MED27: variants seen among roughly 807,000 people sequenced by gnomAD.
The protein encoded by MED27 is mediator of RNA polymerase II transcription subunit 27.
Under a neutral mutation model 38.2 loss-of-function variants are expected in MED27, and 30 were observed. That is an observed-to-expected ratio of 0.79 (90% CI 0.59 to 1.07). MED27 has a LOEUF of 1.07. MED27 is among the 50% of genes least tolerant of loss of function. The pLI, the probability that MED27 is intolerant of heterozygous loss-of-function variation, is 0.00. For synonymous variants in MED27, 122 were observed against 153.5 expected, an observed-to-expected ratio of 0.79 and a Z score of 1.52; for missense variants, 289 against 397.5, an observed-to-expected ratio of 0.73 and a Z score of 2.32.
rs117920438 is a variant in MED27 at position 132,062,273 on chromosome 9, C to T, written c.348+15169G>A. On this transcript the variant is annotated intron_variant, in intron 2 of 7. Transcript: ENST00000292035. ...GCCCTGTCCAGGTAATCAGTACCTA[C>T]AGTCCAGCATGAATCAGGCCATGAT... 5.9e-5 allele frequency among the ~76,000 whole-genome samples: 9 copies of T among 152,378 alleles called. No individual in the cohort carries two copies. In the East Asian group the frequency reaches 1.7e-3, roughly 29 times the overall value.
intron 3 of MED27, among the ~76,000 whole-genome samples, chr9:131,977,996 C>T (rs1049924991): frequency 2.0e-5 from 3 of 152,166 alleles, no homozygotes; most frequent in Admixed American, 6.5e-5. Context: ...TGAGCATAAG[C>T]GGCAGCTAAC....
Position 131,862,430 on chromosome 9 carries a change from C to T in MED27, c.801+633G>A, listed in dbSNP as rs1382199098. On this transcript the variant is annotated intron_variant, in intron 7 of 7. Coordinates refer to ENST00000292035, the MANE Select transcript of MED27 (RefSeq NM_004269.4). The surrounding 1 kb of genome is among the most constrained non-coding windows in gnomAD (Gnocchi z 4.6). The stretch of plus-strand genomic sequence containing the variant: ...AAGGACGCGGGGACATGGTGTTAGC[C>T]CTGCTTAGGCCAACTGGTGGCGGCG... Among the ~76,000 whole-genome samples, 1 of 152,168 alleles carries T rather than the reference C, an allele frequency of 6.6e-6. No individual in the cohort carries two copies. Among genetic ancestry groups the T allele is most frequent in the Non-Finnish European group, 1.5e-5 (1 of 68,030 alleles).
At chr9:131,996,668 T>A (rs1243093577) in intron 3 of MED27, among the ~76,000 whole-genome samples, 1 of 152,168 alleles carries the variant, frequency 6.6e-6, no homozygotes, top group Non-Finnish European at 1.5e-5. Flanking sequence ...CAGTTGGCCC[T>A]TGAACAACAT....
chr9:132,060,659 C>T (rs989890567), intron 2 of MED27, among the ~76,000 whole-genome samples: 1 of 152,192 alleles, frequency 6.6e-6, no homozygotes, highest in African/African-American at 2.4e-5. Context: ...ATGTTTCAAA[C>T]ATTTCCCAGC....
At chr9:131,968,834 G>A (rs561239457) in intron 3 of MED27, among the ~76,000 whole-genome samples, 9 of 152,252 alleles carry the variant, frequency 5.9e-5, no homozygotes, top group Admixed American at 2.6e-4. Flanking sequence ...ATTTACAGTC[G>A]CTCCTTATTG....
At chr9:131,878,274 AAAATAAATAAATAAATAAAT>A (rs139530478) in intron 6 of MED27, among the ~76,000 whole-genome samples, 1 of 147,920 alleles carries the variant, frequency 6.8e-6, no homozygotes, top group African/African-American at 2.5e-5. Context: ...CTCCATTACA[AAAATAAATAAATAAATAAAT>A]AAATAAATAA....
At chr9:132,019,110 T>G (rs1374508552) in intron 2 of MED27, among the ~76,000 whole-genome samples, 2 of 152,166 alleles carry the variant, frequency 1.3e-5, no homozygotes, top group Non-Finnish European at 2.9e-5. Context: ...AGCTCCGGTC[T>G]GTACTGGGAA....
chr9:131,986,307 T>C (rs1831849001), intron 3 of MED27, among the ~76,000 whole-genome samples: 1 of 152,138 alleles, frequency 6.6e-6, no homozygotes, highest in South Asian at 2.1e-4. Flanking sequence ...GCTCCATGCA[T>C]GGTGAAGTTC....
Position 131,860,753 on chromosome 9 carries a change from C to A in MED27, c.802-81G>T. The A allele has an allele frequency of 6.6e-7, 1 of 1,516,088 alleles. No individual in the cohort carries two copies. Among genetic ancestry groups the A allele is most frequent in the Non-Finnish European group, 9.0e-7 (1 of 1,115,722 alleles). The allele number at this position is 1,516,088 out of a possible 1,614,324, so 93.9% of individuals were successfully genotyped here. On this transcript the variant is annotated intron_variant, in intron 7 of 7. Transcript: ENST00000292035. The surrounding 1 kb of genome is among the most constrained non-coding windows in gnomAD (Gnocchi z 5.8). ...TCCTCCTTCCTATCAAGCCTAATGG[C>A]CCAGACAACTTAAGTTGGCTTTGGC...
chr9:131,920,317 T>G (rs1830365869), intron 4 of MED27, among the ~76,000 whole-genome samples: 2 of 152,232 alleles, frequency 1.3e-5, no homozygotes, highest in African/African-American at 2.4e-5. Context: ...TTGCACAGTC[T>G]GTATTTCAGG....
chr9:132,043,149 C>T lies in MED27; in HGVS notation c.349-28682G>A, dbSNP rs564639319. The stretch of plus-strand genomic sequence containing the variant: ...TATAGGGTGAGGGTCAAAAAAACCA[C>T]AATACTATCAACACAATGAGGAGGT... On this transcript the variant is annotated intron_variant, in intron 2 of 7. Coordinates refer to ENST00000292035, the MANE Select transcript of MED27 (RefSeq NM_004269.4). Among the ~76,000 whole-genome samples the T allele has an allele frequency of 1.5e-3, 232 of 152,064 alleles. 1 individual carries two copies. Among genetic ancestry groups the T allele is most frequent in the African/African-American group, 5.5e-3 (230 of 41,464 alleles).
intron 3 of MED27, among the ~76,000 whole-genome samples, chr9:131,999,229 G>A (rs528144251): frequency 6.6e-6 from 1 of 152,298 alleles, no homozygotes; most frequent in East Asian, 1.9e-4. Flanking sequence ...CAGGGTAAGA[G>A]AGAGTTGGAA....
intron 3 of MED27, among the ~76,000 whole-genome samples, chr9:131,988,323 T>TA (rs1032408356): frequency 6.6e-6 from 1 of 150,996 alleles, no homozygotes; most frequent in Middle Eastern, 3.2e-3. Flanking sequence ...TTTGAAAAAA[T>TA]AAAAAAAAAG....
intron 4 of MED27, among the ~76,000 whole-genome samples, chr9:131,933,094 T>C (rs7860189): frequency 0.33 from 49,993 of 151,950 alleles, 8,451 homozygotes; most frequent in African/African-American, 0.39. Flanking sequence ...CTTCAAAAAT[T>C]TGGGTATGGA....
In MED27 at chr9:132,024,624, T is replaced by C. The variant is rs576541938; in HGVS notation, c.349-10157A>G. On this transcript the variant is annotated intron_variant, in intron 2 of 7. Transcript: ENST00000292035. ...CTAGGTCGTTCTAAATGAGTAGCTA[T>C]ATTGAGAAGGAAATCTAACTCAGAA... Among the ~76,000 whole-genome samples the C allele has an allele frequency of 1.1e-4, 16 of 152,336 alleles. No homozygotes were observed. In the East Asian group the frequency reaches 2.5e-3, roughly 24 times the overall value.
Position 131,900,153 on chromosome 9 carries a change from G to C in MED27, c.574-6161C>G, listed in dbSNP as rs376464634. Among the ~76,000 whole-genome samples, 166 of 152,344 alleles carry C rather than the reference G, an allele frequency of 1.1e-3. 1 individual carries two copies. Among genetic ancestry groups the C allele is most frequent in the African/African-American group, 3.8e-3 (160 of 41,574 alleles). On this transcript the variant is annotated intron_variant, in intron 4 of 7. Coordinates refer to ENST00000292035, the MANE Select transcript of MED27 (RefSeq NM_004269.4). ...GTGCAGGCATCAAGGTGCACTTGAA[G>C]AGGAAGCCCAGCCCGCCTCCCATCT...
chr9:131,894,099 T>C (rs188619910), intron 4 of MED27, 107 bp from the exon 5 acceptor site: 93 of 760,050 alleles, frequency 1.2e-4, no homozygotes, highest in African/African-American at 4.6e-4. Flanking sequence ...ACTGGATTCA[T>C]GGTGCTGGCC....
intron 3 of MED27, among the ~76,000 whole-genome samples, chr9:131,978,434 G>T (rs1055028669): frequency 1.3e-4 from 20 of 152,172 alleles, no homozygotes; most frequent in African/African-American, 2.7e-4. Context: ...TGACATTACA[G>T]AACTATTATT....
intron 5 of MED27, among the ~76,000 whole-genome samples, chr9:131,891,161 A>G (rs1310189960): frequency 1.3e-5 from 2 of 152,218 alleles, no homozygotes; most frequent in African/African-American, 4.8e-5. Context: ...TAAAGGGAAG[A>G]GTAAAACTTT....
Sources: gnomAD v4.1 joint callset for allele counts (sites outside exome capture counted in the v4.1 genomes callset) on GRCh38, gnomAD v4.1.1 for gene constraint, Gnocchi (gnomAD v3.1) non-coding constraint, MANE v1.5 for transcripts, NCBI Gene and HGNC (gene_info 2026-07-23, HGNC 2026-07-21) for gene names.